PIP5K1B: variants seen among roughly 807,000 people sequenced by gnomAD.
PIP5K1B encodes the protein phosphatidylinositol-4-phosphate 5-kinase type 1 beta.
A neutral mutation model predicts 67.0 loss-of-function variants in PIP5K1B; 42 were observed. That is an observed-to-expected ratio of 0.63 (90% CI 0.49 to 0.81). PIP5K1B has a LOEUF of 0.81. PIP5K1B is among the 30% of genes least tolerant of loss of function. PIP5K1B has a pLI of 0.00. For synonymous variants in PIP5K1B, 214 were observed against 231.4 expected (o/e 0.92, Z 0.68); for missense variants, 459 against 646.3 (o/e 0.71, Z 3.14).
At chr9:68,858,229 C>T (rs1822883613) in intron 4 of PIP5K1B, among the ~76,000 whole-genome samples, 2 of 152,256 alleles carry the variant, frequency 1.3e-5, no homozygotes, top group South Asian at 4.1e-4. Flanking sequence ...CCTCCTCAGC[C>T]TCCCAAAGTG....
intron 4 of PIP5K1B, among the ~76,000 whole-genome samples, chr9:68,852,586 C>G (rs1822548629): frequency 6.6e-6 from 1 of 152,178 alleles, no homozygotes; most frequent in Admixed American, 6.5e-5. Flanking sequence ...CCAGAGGGAG[C>G]CCTTTGATGT....
chr9:68,807,597 A>G (rs1261116870), intron 2 of PIP5K1B, among the ~76,000 whole-genome samples: 1 of 152,236 alleles, frequency 6.6e-6, no homozygotes, highest in East Asian at 1.9e-4. Context: ...TCAATAGAAA[A>G]TGACATAAAC....
chr9:68,727,693 C>T (rs900698709), intron 1 of PIP5K1B: 6 of 152,100 alleles, frequency 3.9e-5, no homozygotes, highest in East Asian at 3.9e-4. Context: ...GGTAAGGAGA[C>T]GTAGAAGCAC....
At chr9:68,950,205 G>C (rs908083667) in intron 14 of PIP5K1B, among the ~76,000 whole-genome samples, 1 of 152,102 alleles carries the variant, frequency 6.6e-6, no homozygotes, top group African/African-American at 2.4e-5. Context: ...GAGATCCTTG[G>C]TTCTGTAGTC....
intron 2 of PIP5K1B, among the ~76,000 whole-genome samples, chr9:68,807,674 C>T (rs1462410825): frequency 1.3e-5 from 2 of 152,208 alleles, no homozygotes; most frequent in Non-Finnish European, 2.9e-5. Context: ...TTTCTGAGAC[C>T]AAACATTTTT....
intron 15 of PIP5K1B, among the ~76,000 whole-genome samples, chr9:69,003,852 C>T (rs2133039226): frequency 6.6e-6 from 1 of 152,330 alleles, no homozygotes; most frequent in African/African-American, 2.4e-5. Context: ...CCTGCCTGGG[C>T]TCCCCTCCAG....
intron 2 of PIP5K1B, among the ~76,000 whole-genome samples, chr9:68,757,495 G>GA (rs1435328536): frequency 2.0e-5 from 3 of 151,998 alleles, no homozygotes; most frequent in Admixed American, 6.6e-5. Context: ...AAAAGGCCTT[G>GA]AAAAATGTGA....
chr9:68,718,063 TGTGCATTTACTGAGGA>T (rs1827713680), intron 1 of PIP5K1B, among the ~76,000 whole-genome samples: 1 of 152,122 alleles, frequency 6.6e-6, no homozygotes, highest in African/African-American at 2.4e-5. Context: ...AGCCTAGAGG[TGTGCATTTACTGAGGA>T]GCTGACAGGA....
chr9:68,789,034 A>G (rs2132489307), intron 2 of PIP5K1B: 2 of 457,776 alleles, frequency 4.4e-6, no homozygotes, highest in Non-Finnish European at 8.4e-6. Flanking sequence ...AATCAGCTTG[A>G]TACAGCATCA....
intron 6 of PIP5K1B, among the ~76,000 whole-genome samples, chr9:68,885,647 C>T (rs1824429435): frequency 6.8e-6 from 1 of 147,922 alleles, no homozygotes; most frequent in Non-Finnish European, 1.5e-5. Flanking sequence ...TATGCAAAGG[C>T]ATGCAGAGTG....
chr9:68,729,273 T>A (rs1271089310), intron 1 of PIP5K1B, among the ~76,000 whole-genome samples: 2 of 152,170 alleles, frequency 1.3e-5, no homozygotes, highest in African/African-American at 4.8e-5. Flanking sequence ...TCTTATAATA[T>A]CCTTCTTATA....
At chr9:68,785,825 T>C (rs1024711100) in intron 2 of PIP5K1B, among the ~76,000 whole-genome samples, 1 of 152,182 alleles carries the variant, frequency 6.6e-6, no homozygotes, top group Non-Finnish European at 1.5e-5. Context: ...TTAGCATCCT[T>C]GATGGATGAA....
chr9:68,902,537 A>G (rs1249942620), intron 8 of PIP5K1B, among the ~76,000 whole-genome samples: 2 of 152,132 alleles, frequency 1.3e-5, no homozygotes. Flanking sequence ...GGTTTTTTCT[A>G]GTTTTTGAGT....
chr9:68,882,147 G>A (rs548287927), intron 6 of PIP5K1B, among the ~76,000 whole-genome samples: 1 of 152,312 alleles, frequency 6.6e-6, no homozygotes, highest in South Asian at 2.1e-4. Context: ...ACAAGTGCCT[G>A]GAAGGTGCAT....
intron 3 of PIP5K1B, among the ~76,000 whole-genome samples, chr9:68,818,921 C>G (rs1322833749): frequency 1.3e-5 from 2 of 152,156 alleles, no homozygotes. Flanking sequence ...TAGATAATCA[C>G]CAGAACTTCT....
chr9:68,963,387 C>CA (rs1828851466), intron 14 of PIP5K1B: 1 of 310,418 alleles, frequency 3.2e-6, no homozygotes. Flanking sequence ...CCTGTAACCC[C>CA]AGCTACTCGA....
At chr9:68,881,338 A>G (rs1824191361) in intron 6 of PIP5K1B, among the ~76,000 whole-genome samples, 1 of 152,256 alleles carries the variant, frequency 6.6e-6, no homozygotes, top group Non-Finnish European at 1.5e-5. Context: ...AGTTTAGCTA[A>G]AGGAAAGCAC....
intron 2 of PIP5K1B, chr9:68,789,539 A>G: frequency 2.0e-6 from 1 of 512,782 alleles, no homozygotes; most frequent in Non-Finnish European, 4.0e-6. Context: ...CTGGAGGCAC[A>G]CTTTCTGCCT....
chr9:68,801,137 AT>A (rs1832580267), intron 2 of PIP5K1B, among the ~76,000 whole-genome samples: 2 of 152,124 alleles, frequency 1.3e-5, no homozygotes, highest in South Asian at 4.1e-4. Context: ...GATAAGGCAA[AT>A]TTAATTTGTG....
Sources: allele counts gnomAD v4.1 joint callset (sites outside exome capture counted in the v4.1 genomes callset), GRCh38; gene constraint gnomAD v4.1.1; transcripts MANE v1.5; gene names NCBI Gene and HGNC (gene_info 2026-07-23, HGNC 2026-07-21).